The following AQP9 variants were observed in gnomAD, a reference collection of about 807,000 sequenced individuals.
AQP9 encodes the protein aquaporin-9.
AQP9 carries 19 observed loss-of-function variants against 23.8 expected under a neutral mutation model. The ratio of observed to expected loss-of-function variants is 0.80; its 90% CI spans 0.56 to 1.17. The LOEUF (loss-of-function observed/expected upper bound fraction) is 1.17, where lower values mean the gene tolerates loss of function less well. Among genes scored for constraint, AQP9 ranks in the 50% most tolerant of loss-of-function variants. AQP9 has a pLI of 0.00. For synonymous variants in AQP9, 153 were observed against 131.5 expected, an observed-to-expected ratio of 1.16 and a Z score of -1.12; for missense variants, 413 against 362.0, an observed-to-expected ratio of 1.14 and a Z score of -1.14.
At chr15:58,156,378 C>T (rs1410526252) in intron 1 of AQP9, among the ~76,000 whole-genome samples, 1 of 152,104 alleles carries the variant, frequency 6.6e-6, no homozygotes, top group Non-Finnish European at 1.5e-5. Context: ...AGAATATAAT[C>T]TGCATACATA....
chr15:58,184,277 C>A lies in AQP9; in HGVS notation c.*142C>A, dbSNP rs1176326349. ...CATATGGGACATCTAATTGGAAAAG[C>A]ATCTGCATAAAAGTTTGGAAACAAT... On this transcript the variant is annotated 3_prime_UTR_variant, in exon 6 of 6. Coordinates refer to ENST00000219919, the MANE Select transcript of AQP9 (RefSeq NM_020980.5). 4 of 844,888 alleles carry A rather than the reference C, an allele frequency of 4.7e-6. No individual in the cohort carries two copies. In the East Asian group the frequency reaches 1.1e-4, roughly 23 times the overall value. 52.3% of individuals were successfully genotyped at this position (844,888 alleles called of 1,614,324 possible).
At chr15:58,174,693 CA>C (rs1256751060) in intron 3 of AQP9, among the ~76,000 whole-genome samples, 1 of 152,252 alleles carries the variant, frequency 6.6e-6, no homozygotes, top group Non-Finnish European at 1.5e-5. Context: ...TCCAAGTTTG[CA>C]GTGGGCCATT....
intron 2 of AQP9, among the ~76,000 whole-genome samples, chr15:58,168,926 A>T (rs1898564062): frequency 6.6e-6 from 1 of 151,964 alleles, no homozygotes; most frequent in Admixed American, 6.6e-5. Flanking sequence ...CCTGCATAAC[A>T]CCCTGAACTG....
chr15:58,141,240 C>T (rs1305980455), intron 1 of AQP9, among the ~76,000 whole-genome samples: 2 of 152,190 alleles, frequency 1.3e-5, no homozygotes, highest in Non-Finnish European at 2.9e-5. Flanking sequence ...ATATATTCTC[C>T]TCTCTCTTCA....
intron 1 of AQP9, among the ~76,000 whole-genome samples, chr15:58,164,641 T>G (rs1436084073): frequency 2.6e-5 from 4 of 152,150 alleles, no homozygotes; most frequent in African/African-American, 9.7e-5. Context: ...GTAACTGTAT[T>G]TAACATTCAG....
Position 58,185,373 on chromosome 15 carries a change from T to C in AQP9, c.*1238T>C, listed in dbSNP as rs1291923401. 2 of 152,652 alleles carry C rather than the reference T, an allele frequency of 1.3e-5. No individual in the cohort carries two copies. The highest frequency in any genetic ancestry group is 2.9e-5 in the Non-Finnish European group (2 of 68,050). 9.5% of individuals were successfully genotyped at this position (152,652 alleles called of 1,614,324 possible). A position where few individuals can be genotyped will look rare whatever the true frequency, so the allele number is the denominator to read the frequency against. ...TGGCAGCTTCTAGAATATGTACACC[T>C]CTGGACAAAATGTTCCTCAATCTTA... On this transcript the variant is annotated 3_prime_UTR_variant, in exon 6 of 6. Coordinates refer to ENST00000219919, the MANE Select transcript of AQP9 (RefSeq NM_020980.5).
At chr15:58,178,505 T>C (rs563840776) in intron 4 of AQP9, among the ~76,000 whole-genome samples, 8 of 152,366 alleles carry the variant, frequency 5.3e-5, no homozygotes, top group East Asian at 1.9e-4. Context: ...TGTTTTTGAA[T>C]GCATATTGCT....
Position 58,170,319 on chromosome 15 carries a change from C to T in AQP9, c.239-2749C>T, listed in dbSNP as rs546594850. ...TTGCTTTGCAAAGCACCCTTCCAGA[C>T]ATACCCTCTCTAACCCCCAAACAAC... On this transcript the variant is annotated intron_variant, in intron 2 of 5. Transcript: ENST00000219919. Among the ~76,000 whole-genome samples the T allele has an allele frequency of 2.0e-5, 3 of 152,264 alleles. No individual in the cohort carries two copies. The South Asian group carries it at 6.2e-4, about 32-fold the overall frequency.
rs546721321 is a variant in AQP9 at position 58,170,936 on chromosome 15, G to T, written c.239-2132G>T. On this transcript the variant is annotated intron_variant, in intron 2 of 5. Transcript: ENST00000219919. The stretch of plus-strand genomic sequence containing the variant: ...TCACTTACGGCCCCCTTGGTTTTTT[G>T]TTGTTGTTGTTGTTGTTTGTTTTTG... 5.1e-3 allele frequency among the ~76,000 whole-genome samples: 779 copies of T among 151,618 alleles called. 5 individuals carry two copies. The highest frequency in any genetic ancestry group is 0.018 in the African/African-American group (732 of 41,358).
Position 58,184,211 on chromosome 15 carries a change from T to C in AQP9, c.*76T>C. The C allele has an allele frequency of 2.7e-6, 4 of 1,497,778 alleles. No individual in the cohort carries two copies. Among genetic ancestry groups the C allele is most frequent in the Non-Finnish European group, 3.6e-6 (4 of 1,097,632 alleles). The allele number at this position is 1,497,778 out of a possible 1,614,324, so 92.8% of individuals were successfully genotyped here. The stretch of plus-strand genomic sequence containing the variant: ...GATGGCATCTAAGTGTCTGTGTTCT[T>C]GTAAGCCTGAGGTGGAATCCACCCA... On this transcript the variant is annotated 3_prime_UTR_variant, in exon 6 of 6. Transcript: ENST00000219919.
At chr15:58,169,729 C>T (rs559174798) in intron 2 of AQP9, among the ~76,000 whole-genome samples, 2 of 152,126 alleles carry the variant, frequency 1.3e-5, no homozygotes, top group Non-Finnish European at 2.9e-5. Context: ...ATCCTGCTCC[C>T]CTGGGAATGT....
intron 2 of AQP9, 101 bp from the exon 3 acceptor site, chr15:58,172,967 T>G (rs1457275808): frequency 6.8e-7 from 1 of 1,460,836 alleles, no homozygotes; most frequent in African/African-American, 1.4e-5. Flanking sequence ...AGGCAGTAGT[T>G]CTCTGCCTAG....
intron 1 of AQP9, among the ~76,000 whole-genome samples, chr15:58,165,472 G>A (rs988308521): frequency 2.0e-5 from 3 of 151,948 alleles, no homozygotes; most frequent in African/African-American, 7.3e-5. Flanking sequence ...AACCCATTAG[G>A]GTCTAACCCC....
intron 1 of AQP9, among the ~76,000 whole-genome samples, chr15:58,162,297 C>A (rs1213497162): frequency 6.6e-6 from 1 of 152,192 alleles, no homozygotes; most frequent in Non-Finnish European, 1.5e-5. Context: ...GAAGAGAGAA[C>A]CCCGGGAGGG....
intron 2 of AQP9, among the ~76,000 whole-genome samples, chr15:58,170,003 T>C (rs772494037): frequency 6.6e-6 from 1 of 152,302 alleles, no homozygotes; most frequent in South Asian, 2.1e-4. Flanking sequence ...AAGACTTTCA[T>C]CTTGTGCCCT....
At position 58,163,042 on chromosome 15, in the gene AQP9, T is replaced by C. The variant is rs78243356; in HGVS notation, c.112-3631T>C. On this transcript the variant is annotated intron_variant, in intron 1 of 5. Transcript: ENST00000219919. Reference sequence around the variant, plus strand: ...CTTCACATCCATTAATAGGTGGTGCTGAGTCAACTAGAAGGTGGTGTTATG... The same window carrying C: ...CTTCACATCCATTAATAGGTGGTGCCGAGTCAACTAGAAGGTGGTGTTATG... 8.1e-4 allele frequency among the ~76,000 whole-genome samples: 123 copies of C among 152,312 alleles called. 1 individual carries two copies. The East Asian group carries it at 0.016, about 20-fold the overall frequency.
At chr15:58,170,490 C>T (rs1450519999) in intron 2 of AQP9, among the ~76,000 whole-genome samples, 6 of 151,602 alleles carry the variant, frequency 4.0e-5, no homozygotes, top group Admixed American at 2.6e-4. Flanking sequence ...TTGCAACCTC[C>T]GCCTCCCAGG....
intron 4 of AQP9, among the ~76,000 whole-genome samples, chr15:58,176,994 A>G (rs1160889014): frequency 6.6e-6 from 1 of 152,076 alleles, no homozygotes; most frequent in East Asian, 1.9e-4. Context: ...TATTGTGTAT[A>G]AAGTCAAGTA....
intron 4 of AQP9, among the ~76,000 whole-genome samples, chr15:58,175,379 G>A (rs2280197): frequency 0.4 from 60,382 of 152,042 alleles, 12,404 homozygotes; most frequent in Non-Finnish European, 0.44. Flanking sequence ...GAGGCCACAA[G>A]AGAAGATATT....
Sources: gnomAD v4.1 joint callset for allele counts (sites outside exome capture counted in the v4.1 genomes callset) on GRCh38, gnomAD v4.1.1 for gene constraint, MANE v1.5 for transcripts, NCBI Gene and HGNC (gene_info 2026-07-23, HGNC 2026-07-21) for gene names.